Variants in NAMPT observed in about 807,000 individuals in gnomAD.
NAMPT encodes the protein nicotinamide phosphoribosyltransferase.
NAMPT carries 7 observed loss-of-function variants against 58.7 expected under a neutral mutation model. The observed-to-expected ratio is 0.12, with a 90% CI of 0.07 to 0.22. The LOEUF is 0.22. Ranked by LOEUF, NAMPT falls within the 10% of genes least tolerant of loss-of-function variation. The pLI, the probability that NAMPT is intolerant of heterozygous loss-of-function variation, is 1.00. For synonymous variants in NAMPT, 145 were observed against 198.1 expected, an observed-to-expected ratio of 0.73 and a Z score of 2.25; for missense variants, 271 against 567.9, an observed-to-expected ratio of 0.48 and a Z score of 5.31.
rs1178262492 is a variant in NAMPT, at chr7:106,272,598, T to C, written c.379A>G (p.Arg127Gly). ...TCCACCGTGAAGAGAACATTTCCTC[T>C]GGGAATGACAAAGCCCTCAGGAACA... is the stretch of plus-strand genomic sequence containing the variant. ...KAVPEGFVIP[R>G]GNVLFTVENT... Residue 127 changes from arginine to glycine, a missense_variant, in exon 4 of 11, where the codon AGA becomes GGA. Around this residue, in one of 4 missense-constraint regions of NAMPT, gnomAD observed 103 missense variants for 194.2 expected, o/e 0.53. Transcript: ENST00000222553. 1 of 1,613,272 alleles carries C rather than the reference T, an allele frequency of 6.2e-7. No homozygotes were observed. The highest frequency in any genetic ancestry group is 1.1e-5 in the South Asian group (1 of 91,052).
chr7:106,253,334 G>C, intron 9 of NAMPT, 183 bp from the exon 10 acceptor site: 1 of 593,468 alleles, frequency 1.7e-6, no homozygotes, highest in Non-Finnish European at 2.9e-6. Context: ...TTGAAGGATA[G>C]TCGTTTGTAA....
chr7:106,265,097 A>G (rs997507396), intron 6 of NAMPT, among the ~76,000 whole-genome samples: 6 of 152,164 alleles, frequency 3.9e-5, no homozygotes, highest in African/African-American at 1.4e-4. Flanking sequence ...TACTTCATGC[A>G]TCTGTAGGCT....
rs531130253 is a variant in NAMPT at position 106,257,033 on chromosome 7, G to A, written c.1090-2529C>T. Among the ~76,000 whole-genome samples the A allele has an allele frequency of 2.0e-5, 3 of 152,032 alleles. No homozygotes were observed. The South Asian group carries it at 6.2e-4, about 32-fold the overall frequency. On this transcript the variant is annotated intron_variant, in intron 8 of 10. Coordinates refer to ENST00000222553, the MANE Select transcript of NAMPT (RefSeq NM_005746.3). ...TCTACTAAAAATCCAAAAAGTAGCC[G>A]GGCGTGGTGGCACACGCCCGTAATC... is the stretch of plus-strand genomic sequence containing the variant.
Position 106,253,055 on chromosome 7 carries a change from G to A in NAMPT, c.1327C>T (p.Leu443=), listed in dbSNP as rs1346032056. ...TCAAGGTCTCCTTTTCCTTCCTCCA[G>A]TGTAACAAAATTCCCTGCTGGCGTC... The part of the protein sequence containing the change: ...HRTPAGNFVT[L]EEGKGDLEEY... Residue 443 remains leucine, a synonymous_variant, in exon 10 of 11, where the codon CTG becomes TTG. Coordinates refer to ENST00000222553, the MANE Select transcript of NAMPT (RefSeq NM_005746.3). 6.2e-7 allele frequency: 1 copy of A among 1,613,352 alleles called. No individual in the cohort carries two copies. The highest frequency in any genetic ancestry group is 1.7e-5 in the Admixed American group (1 of 59,970).
chr7:106,268,682 A>G, intron 5 of NAMPT, 82 bp from the exon 6 acceptor site: 1 of 958,022 alleles, frequency 1.0e-6, no homozygotes, highest in African/African-American at 1.6e-5. Context: ...ACCACATTTA[A>G]GGAATATAGC....
Position 106,267,840 on chromosome 7 carries a change from C to CAAAAAAAAAAAAAAAAAAAAAAAAAAAA in NAMPT, c.743+596_743+623dup, listed in dbSNP as rs769070307. On this transcript the variant is annotated intron_variant, in intron 6 of 10. Coordinates refer to ENST00000222553, the MANE Select transcript of NAMPT (RefSeq NM_005746.3). ...TGGGCGACAGAGCGAGACTCCGTCT[C>CAAAAAAAAAAAAAAAAAAAAAAAAAAAA]AAAAAAAAAAAAAAAAAAAAAAAAA... Among the ~76,000 whole-genome samples, 6 of 33,176 alleles carry CAAAAAAAAAAAAAAAAAAAAAAAAAAAA rather than the reference C, an allele frequency of 1.8e-4. 1 individual carries two copies. Among genetic ancestry groups the CAAAAAAAAAAAAAAAAAAAAAAAAAAAA allele is most frequent in the Non-Finnish European group, 3.2e-4 (6 of 18,678 alleles). 21.8% of individuals were successfully genotyped at this position (33,176 alleles called of 152,430 possible). A position where few individuals can be genotyped will look rare whatever the true frequency, so the allele number is the denominator to read the frequency against.
intron 6 of NAMPT, among the ~76,000 whole-genome samples, chr7:106,265,271 T>C (rs574327670): frequency 1.3e-5 from 2 of 152,292 alleles, no homozygotes; most frequent in South Asian, 2.1e-4. Context: ...ACTTATAACG[T>C]TGTATCAGTA....
intron 6 of NAMPT, among the ~76,000 whole-genome samples, chr7:106,268,155 A>C (rs767738454): frequency 6.6e-6 from 1 of 152,174 alleles, no homozygotes; most frequent in Non-Finnish European, 1.5e-5. Flanking sequence ...AGTGCTTCTA[A>C]ATTTAATGAA....
intron 3 of NAMPT, among the ~76,000 whole-genome samples, chr7:106,274,182 T>G (rs1262135466): frequency 6.6e-6 from 1 of 151,328 alleles, no homozygotes; most frequent in Non-Finnish European, 1.5e-5. Flanking sequence ...CACTATACAG[T>G]GAGAAACTTC....
chr7:106,256,639 A>G (rs1792204158), intron 8 of NAMPT, among the ~76,000 whole-genome samples: 1 of 152,232 alleles, frequency 6.6e-6, no homozygotes, highest in Non-Finnish European at 1.5e-5. Flanking sequence ...TGAGATATTC[A>G]ACACTTTACT....
At chr7:106,268,643 C>T in intron 5 of NAMPT, 43 bp from the exon 6 acceptor site, 1 of 1,467,164 alleles carries the variant, frequency 6.8e-7, no homozygotes, top group Non-Finnish European at 9.5e-7. Flanking sequence ...CAGAAAGAAA[C>T]CCACATTAAT....
intron 9 of NAMPT, among the ~76,000 whole-genome samples, chr7:106,253,799 T>C (rs931987161): frequency 2.6e-5 from 4 of 151,794 alleles, no homozygotes; most frequent in African/African-American, 9.7e-5. Context: ...GATCAAAGAG[T>C]GAAGCAGGGA....
At chr7:106,261,132 C>T (rs541237158) in intron 8 of NAMPT, among the ~76,000 whole-genome samples, 13 of 152,304 alleles carry the variant, frequency 8.5e-5, no homozygotes, top group African/African-American at 2.2e-4. Context: ...CTTATACTAT[C>T]TGGCTAAATC....
At chr7:106,273,166 T>C (rs1258564646) in intron 3 of NAMPT, among the ~76,000 whole-genome samples, 1 of 152,172 alleles carries the variant, frequency 6.6e-6, no homozygotes, top group Admixed American at 6.5e-5. Flanking sequence ...AGAACCGAAA[T>C]AGGTTCCCTC....
At chr7:106,279,260 T>TA (rs1562819482) in intron 1 of NAMPT, among the ~76,000 whole-genome samples, 1 of 152,226 alleles carries the variant, frequency 6.6e-6, no homozygotes, top group Non-Finnish European at 1.5e-5. Context: ...GTATGAACTC[T>TA]AAAAATCTTT....
intron 1 of NAMPT, among the ~76,000 whole-genome samples, chr7:106,283,783 C>T (rs1792809928): frequency 1.3e-5 from 2 of 152,002 alleles, no homozygotes. Flanking sequence ...ACAGACAAAA[C>T]TTAAGTAAAA....
At chr7:106,273,503 G>A (rs907305471) in intron 3 of NAMPT, among the ~76,000 whole-genome samples, 7 of 152,296 alleles carry the variant, frequency 4.6e-5, no homozygotes, top group African/African-American at 1.4e-4. Context: ...ACAGGTCCTA[G>A]TTTGGACTCA....
At chr7:106,278,505 G>A (rs1416390922) in intron 1 of NAMPT, among the ~76,000 whole-genome samples, 1 of 151,954 alleles carries the variant, frequency 6.6e-6, no homozygotes, top group African/African-American at 2.4e-5. Flanking sequence ...TATATGTCAG[G>A]GCTTATTAAG....
rs148674573 is a variant in NAMPT, at chr7:106,280,994, C to T, written c.58-3815G>A. Among the ~76,000 whole-genome samples, 864 of 150,508 alleles carry T rather than the reference C, an allele frequency of 5.7e-3. 10 individuals carry two copies. The highest frequency in any genetic ancestry group is 0.02 in the African/African-American group (827 of 40,854). The stretch of plus-strand genomic sequence containing the variant: ...GAAAAATGTAGTTCTTTTAACATAA[C>T]TCTTCAGTTGTGTGATTAATTTACT... On this transcript the variant is annotated intron_variant, in intron 1 of 10. Transcript: ENST00000222553.
Sources: allele counts gnomAD v4.1 joint callset (sites outside exome capture counted in the v4.1 genomes callset), GRCh38; gene constraint gnomAD v4.1.1; regional missense constraint gnomAD v4.1.1; transcripts MANE v1.5; gene names NCBI Gene and HGNC (gene_info 2026-07-23, HGNC 2026-07-21).